The following CHSY3 variants were observed in gnomAD, a reference collection of about 807,000 sequenced individuals.
The protein encoded by CHSY3 is chondroitin sulfate synthase 3.
A neutral mutation model predicts 67.2 loss-of-function variants in CHSY3; 35 were observed. That is an observed-to-expected ratio of 0.52 (90% confidence interval 0.40 to 0.69). CHSY3 has a LOEUF of 0.69. CHSY3 is among the 30% of genes least tolerant of loss of function. The probability of loss-of-function intolerance (pLI) is 0.00; values close to 1 mark genes in which losing one functional copy is unlikely to be tolerated. For missense variants in CHSY3, 1,069 were observed against 1,138.5 expected (o/e 0.94, Z 0.88); for synonymous variants, 474 against 434.7 (o/e 1.09, Z -1.12).
intron 2 of CHSY3, among the ~76,000 whole-genome samples, chr5:129,947,652 A>G (rs1008048563): frequency 5.3e-5 from 8 of 151,892 alleles, no homozygotes; most frequent in Non-Finnish European, 1.0e-4. Flanking sequence ...AACAAAAAAA[A>G]TGAGATTTGG....
chr5:129,967,367 A>ATG (rs1259399687), intron 2 of CHSY3, among the ~76,000 whole-genome samples: 2 of 152,008 alleles, frequency 1.3e-5, no homozygotes, highest in East Asian at 3.9e-4. Context: ...CATTTTAGAT[A>ATG]TGTGTATATA....
chr5:130,135,179 TGTGTATACATACATAC>T (rs1411796288), intron 2 of CHSY3, among the ~76,000 whole-genome samples: 1 of 151,998 alleles, frequency 6.6e-6, no homozygotes, highest in Admixed American at 6.6e-5. Flanking sequence ...TAAATATATG[TGTGTATACATACATAC>T]ATACATATAT....
intron 2 of CHSY3, among the ~76,000 whole-genome samples, chr5:129,997,053 T>A (rs1210464053): frequency 6.6e-6 from 1 of 151,536 alleles, no homozygotes; most frequent in Non-Finnish European, 1.5e-5. Context: ...ATTTTTGGAT[T>A]AACTTTGCAG....
At position 130,153,679 on chromosome 5, in the gene CHSY3, C is replaced by T. The variant is rs543715137; in HGVS notation, c.1087-30550C>T. On this transcript the variant is annotated intron_variant, in intron 2 of 2. Transcript: ENST00000305031. Reference sequence around the variant, plus strand: ...AAGTGCCACAGCTGGTCTTGATCATCGTGGAGCCCCCATTGTGAGCACTGC... The same window carrying T: ...AAGTGCCACAGCTGGTCTTGATCATTGTGGAGCCCCCATTGTGAGCACTGC... Among the ~76,000 whole-genome samples the T allele has an allele frequency of 1.3e-3, 192 of 152,286 alleles. 2 individuals are homozygous for T. The highest frequency in any genetic ancestry group is 5.0e-3 in the South Asian group (24 of 4,824).
rs1403545473 is a variant in CHSY3, at chr5:129,904,650, T to C, written c.-180T>C. On this transcript the variant is annotated 5_prime_UTR_variant, in exon 1 of 3. Coordinates refer to ENST00000305031, the MANE Select transcript of CHSY3 (RefSeq NM_175856.5). Reference sequence around the variant, plus strand: ...GCTGAGCGGGAGCCCGGCAGGCAGCTGCAGCCCGCGGCAGTCGAGGCGTCC... The same window carrying C: ...GCTGAGCGGGAGCCCGGCAGGCAGCCGCAGCCCGCGGCAGTCGAGGCGTCC... 3 of 1,013,086 alleles carry C rather than the reference T, an allele frequency of 3.0e-6. No individual in the cohort carries two copies. Among genetic ancestry groups the C allele is most frequent in the Non-Finnish European group, 3.8e-6 (3 of 797,932 alleles). The allele number at this position is 1,013,086 out of a possible 1,614,324, so 62.8% of individuals were successfully genotyped here.
rs187615691 is a variant in CHSY3, at chr5:130,000,051, C to T, written c.1086+91691C>T. Among the ~76,000 whole-genome samples, 21 of 152,254 alleles carry T rather than the reference C, an allele frequency of 1.4e-4. No homozygotes were observed. In the East Asian group the frequency reaches 3.9e-3, roughly 28 times the overall value. ...TTCAGCATATCTCAGAAACAGCTAA[C>T]TTTGAACAGTGGTAAAAAGTATTTT... On this transcript the variant is annotated intron_variant, in intron 2 of 2. Transcript: ENST00000305031.
At chr5:130,095,566 C>A (rs545259885) in intron 2 of CHSY3, among the ~76,000 whole-genome samples, 3 of 152,280 alleles carry the variant, frequency 2.0e-5, no homozygotes, top group Non-Finnish European at 2.9e-5. Flanking sequence ...GGTGGTTAAA[C>A]AACAGTGCTT....
Position 130,115,199 on chromosome 5 carries a change from CT to C in CHSY3, c.1087-69029del, listed in dbSNP as rs1179608439. Among the ~76,000 whole-genome samples the C allele has an allele frequency of 1.6e-4, 24 of 151,816 alleles. No individual in the cohort carries two copies. In the East Asian group the frequency reaches 2.7e-3, roughly 17 times the overall value. On this transcript the variant is annotated intron_variant, in intron 2 of 2. Transcript: ENST00000305031. ...TTGCAGAGTATTTTTTTTCATCCCC[CT>C]AACACTTCAAAAAGAAAGGTTTATA...
chr5:129,935,658 G>A (rs1041455481), intron 2 of CHSY3, among the ~76,000 whole-genome samples: 1 of 152,192 alleles, frequency 6.6e-6, no homozygotes, highest in African/African-American at 2.4e-5. Flanking sequence ...GAAATGAGAT[G>A]TGGCTACTCT....
intron 2 of CHSY3, chr5:130,114,607 C>T (rs1479969517): frequency 1.3e-5 from 2 of 152,072 alleles, no homozygotes; most frequent in Admixed American, 1.3e-4. Context: ...CTTAGAACAG[C>T]GTCTACTACA....
At chr5:130,123,981 A>C (rs950886140) in intron 2 of CHSY3, among the ~76,000 whole-genome samples, 1 of 134,296 alleles carries the variant, frequency 7.4e-6, no homozygotes, top group Non-Finnish European at 1.6e-5. Flanking sequence ...CGGAGCTTGC[A>C]GTGAGCCGAG....
At chr5:129,915,445 T>G (rs1348472918) in intron 2 of CHSY3, among the ~76,000 whole-genome samples, 1 of 152,208 alleles carries the variant, frequency 6.6e-6, no homozygotes, top group African/African-American at 2.4e-5. Flanking sequence ...TATAACACGT[T>G]TCTAAATTAA....
chr5:130,090,192 A>G (rs6595936), intron 2 of CHSY3, among the ~76,000 whole-genome samples: 70,074 of 151,986 alleles, frequency 0.46, 16,537 homozygotes, highest in African/African-American at 0.55. Flanking sequence ...TCACTAGGCT[A>G]CCTCTCCATT....
chr5:130,045,261 T>G (rs1180425228), intron 2 of CHSY3, among the ~76,000 whole-genome samples: 1 of 152,036 alleles, frequency 6.6e-6, no homozygotes, highest in Admixed American at 6.6e-5. Flanking sequence ...AAAAGAAAAT[T>G]TAAAAAGCAC....
At chr5:130,101,696 CTTGTCTAACTTATATTTCGAAATTTACA>C (rs1767251563) in intron 2 of CHSY3, among the ~76,000 whole-genome samples, 1 of 152,024 alleles carries the variant, frequency 6.6e-6, no homozygotes, top group Admixed American at 6.6e-5. Flanking sequence ...AATTATTCCT[CTTGTCTAACTTATATTTCGAAATTTACA>C]TTTAGGTAGA....
intron 2 of CHSY3, among the ~76,000 whole-genome samples, chr5:130,064,213 C>A (rs1027918299): frequency 3.3e-5 from 5 of 152,028 alleles, no homozygotes; most frequent in Non-Finnish European, 7.4e-5. Flanking sequence ...ACATTCCCAA[C>A]TAATATATTA....
chr5:130,095,193 T>C (rs1368013740), intron 2 of CHSY3, among the ~76,000 whole-genome samples: 1 of 152,236 alleles, frequency 6.6e-6, no homozygotes, highest in African/African-American at 2.4e-5. Context: ...TATTTCCTAG[T>C]TCTCTTCATT....
At chr5:129,997,584 T>C (rs931143757) in intron 2 of CHSY3, among the ~76,000 whole-genome samples, 1 of 152,144 alleles carries the variant, frequency 6.6e-6, no homozygotes, top group African/African-American at 2.4e-5. Flanking sequence ...GATATACATG[T>C]GCCATGTTGG....
intron 2 of CHSY3, among the ~76,000 whole-genome samples, chr5:129,982,143 T>C (rs1374119921): frequency 2.6e-5 from 4 of 152,128 alleles, no homozygotes; most frequent in African/African-American, 9.7e-5. Flanking sequence ...TATTTTTTAC[T>C]TTGGTAACAT....
Sources: allele counts gnomAD v4.1 joint callset (sites outside exome capture counted in the v4.1 genomes callset), GRCh38; gene constraint gnomAD v4.1.1; transcripts MANE v1.5; gene names NCBI Gene and HGNC (gene_info 2026-07-23, HGNC 2026-07-21).